The following REV3L variants were observed in gnomAD, a reference collection of about 807,000 sequenced individuals.
REV3L encodes DNA polymerase zeta catalytic subunit.
A neutral mutation model predicts 299.4 loss-of-function variants in REV3L; 69 were observed. The ratio of observed to expected loss-of-function variants is 0.23; its 90% CI spans 0.19 to 0.28. The LOEUF is 0.28. Ranked by LOEUF, REV3L falls within the 10% of genes least tolerant of loss-of-function variation. REV3L has a pLI of 1.00. For synonymous variants in REV3L, 1,238 were observed against 1,271.4 expected (o/e 0.97, Z 0.56); for missense variants, 3,128 against 3,693.8 (o/e 0.85, Z 3.97).
At chr6:111,307,278 C>A in intron 31 of REV3L, 83 bp downstream of exon 31, 1 of 1,217,274 alleles carries the variant, frequency 8.2e-7, no homozygotes, top group Non-Finnish European at 1.2e-6. Context: ...AGTTTTGTAT[C>A]TCACACTATA....
At chr6:111,448,390 G>A (rs564030437) in intron 1 of REV3L, among the ~76,000 whole-genome samples, 3 of 151,402 alleles carry the variant, frequency 2.0e-5, no homozygotes, top group East Asian at 3.9e-4. Context: ...CCAGGCTGGC[G>A]TATAATAGAG....
chr6:111,465,756 A>ACAAACAAAC (rs199912630), intron 1 of REV3L, among the ~76,000 whole-genome samples: 7 of 146,998 alleles, frequency 4.8e-5, no homozygotes, highest in Non-Finnish European at 1.1e-4. Context: ...AAAAAAAAAA[A>ACAAACAAAC]AAAAAAAAAA....
At chr6:111,467,932 C>A (rs1179559590) in intron 1 of REV3L, among the ~76,000 whole-genome samples, 3 of 152,088 alleles carry the variant, frequency 2.0e-5, no homozygotes, top group Non-Finnish European at 4.4e-5. Flanking sequence ...AACACACACA[C>A]AATGAAATTA....
intron 3 of REV3L, among the ~76,000 whole-genome samples, chr6:111,409,485 G>T (rs908029796): frequency 1.3e-5 from 2 of 151,844 alleles, no homozygotes; most frequent in Non-Finnish European, 2.9e-5. Context: ...AGTGCAAAAG[G>T]AAAATCAGTA....
At chr6:111,428,232 TAAGAAG>T (rs1253673328) in intron 1 of REV3L, among the ~76,000 whole-genome samples, 1 of 152,050 alleles carries the variant, frequency 6.6e-6, no homozygotes, top group Non-Finnish European at 1.5e-5. Context: ...TGACTGACCC[TAAGAAG>T]ACAGTGACAT....
At chr6:111,319,304 T>C (rs922409550) in intron 26 of REV3L, among the ~76,000 whole-genome samples, 6 of 151,868 alleles carry the variant, frequency 4.0e-5, no homozygotes, top group African/African-American at 1.5e-4. Context: ...CTACTAAAAA[T>C]ACAAAAATTA....
At chr6:111,430,417 A>G (rs562729562) in intron 1 of REV3L, 1 of 1,457,130 alleles carries the variant, frequency 6.9e-7, no homozygotes, top group African/African-American at 1.4e-5. Context: ...AAACTAAAGG[A>G]TATTTTCAAA....
At chr6:111,477,128 GT>G (rs1793041287) in intron 1 of REV3L, among the ~76,000 whole-genome samples, 1 of 152,076 alleles carries the variant, frequency 6.6e-6, no homozygotes, top group Non-Finnish European at 1.5e-5. Context: ...TCTACAACAT[GT>G]TTTAAACACA....
intron 29 of REV3L, 73 bp from the exon 30 acceptor site, chr6:111,310,172 G>A: frequency 1.1e-5 from 15 of 1,427,728 alleles, no homozygotes; most frequent in East Asian, 7.3e-5. Flanking sequence ...AATTAAGTCA[G>A]AATTAAACAA....
chr6:111,307,757 T>A, intron 30 of REV3L, 187 bp from the exon 31 acceptor site: 1 of 585,790 alleles, frequency 1.7e-6, no homozygotes, highest in Non-Finnish European at 3.0e-6. Flanking sequence ...AATGAAGTCC[T>A]TGCCTTCATG....
intron 4 of REV3L, among the ~76,000 whole-genome samples, chr6:111,404,059 A>G (rs1783366868): frequency 6.6e-6 from 1 of 152,216 alleles, no homozygotes; most frequent in African/African-American, 2.4e-5. Context: ...TGCAATGTAG[A>G]TGAAAACAAC....
chr6:111,316,439 G>A (rs547710144), intron 26 of REV3L, among the ~76,000 whole-genome samples: 1 of 151,968 alleles, frequency 6.6e-6, no homozygotes, highest in East Asian at 1.9e-4. Context: ...TGAGGCGGGT[G>A]TATCACCTGA....
At chr6:111,331,027 C>G (rs1430480587) in intron 24 of REV3L, 1 of 984,910 alleles carries the variant, frequency 1.0e-6, no homozygotes, top group African/African-American at 1.7e-5. Context: ...AACCACTCTA[C>G]TGTCTCATGA....
At chr6:111,392,016 T>C (rs1562243107) in intron 5 of REV3L, among the ~76,000 whole-genome samples, 3 of 152,366 alleles carry the variant, frequency 2.0e-5, no homozygotes, top group Admixed American at 1.3e-4. Flanking sequence ...AATTGTCCTC[T>C]TCATTCATAC....
Position 111,367,765 on chromosome 6 carries a change from A to C in REV3L, c.6023T>G (p.Val2008Gly). Residue 2008 changes from valine (V) to glycine (G), a missense_variant, in exon 14 of 32, where the codon GTG becomes GGG. Physicochemically the swap from Val to Gly is moderately radical, Grantham distance 109. Coordinates refer to ENST00000368802, the MANE Select transcript of REV3L (RefSeq NM_001372078.1). ...KCAPSRQLVQ[V>G]WLQAKEEYER... is the part of the protein sequence containing the mutation. ...GTATTCTTCTTTGGCTTGAAGCCAC[A>C]CTTGAACCAGTTGTCGACTTGGGGC... 6.2e-7 allele frequency: 1 copy of C among 1,614,170 alleles called. No individual in the cohort carries two copies. Among genetic ancestry groups the C allele is most frequent in the Non-Finnish European group, 8.5e-7 (1 of 1,180,018 alleles).
chr6:111,433,500 T>C (rs1224012988), intron 1 of REV3L, among the ~76,000 whole-genome samples: 1 of 152,050 alleles, frequency 6.6e-6, no homozygotes, highest in Non-Finnish European at 1.5e-5. Context: ...CCTACCAAGG[T>C]TGAATCAAGG....
chr6:111,341,118 G>A (rs534652010), intron 21 of REV3L, among the ~76,000 whole-genome samples: 31 of 144,394 alleles, frequency 2.1e-4, no homozygotes, highest in Non-Finnish European at 3.9e-4. Flanking sequence ...CTTAGTCACT[G>A]CAACCTCTGA....
chr6:111,392,865 C>T lies in REV3L; in HGVS notation c.662+11G>A, dbSNP rs1782078065. 4 of 1,550,688 alleles carry T rather than the reference C, an allele frequency of 2.6e-6. No homozygotes were observed. The East Asian group carries it at 9.0e-5, about 35-fold the overall frequency. On this transcript the variant is annotated intron_variant, in intron 5 of 31. Coordinates refer to ENST00000368802, the MANE Select transcript of REV3L (RefSeq NM_001372078.1). ...TGTAAAATTTTCATTTCCTTTACAA[C>T]ATTAACTAACCTTGGTATTTCATCT...
At position 111,375,926 on chromosome 6, in the gene REV3L, C is replaced by T. The variant is rs1780259592; in HGVS notation, c.2429G>A (p.Arg810Lys). Residue 810 changes from arginine (R) to lysine (K), a missense_variant, in exon 13 of 32, where the codon AGA becomes AAA. Physicochemically the swap from Arg to Lys is conservative, Grantham distance 26. Coordinates refer to ENST00000368802, the MANE Select transcript of REV3L (RefSeq NM_001372078.1). ...PSVVLSNCLTRPQKLSPVTYK... is the reference protein window; with the variant it reads ...PSVVLSNCLTKPQKLSPVTYK... ...TGTGACAGGAGATAGTTTCTGTGGT[C>T]TAGTAAGACAGTTAGAAAGAACAAC... 3.1e-6 allele frequency: 5 copies of T among 1,613,760 alleles called. No homozygotes were observed. The highest frequency in any genetic ancestry group is 4.2e-6 in the Non-Finnish European group (5 of 1,179,904).
Sources: gnomAD v4.1 joint callset for allele counts (sites outside exome capture counted in the v4.1 genomes callset) on GRCh38, gnomAD v4.1.1 for gene constraint, MANE v1.5 for transcripts, NCBI Gene and HGNC (gene_info 2026-07-23, HGNC 2026-07-21) for gene names.